The following TOMM20 variants were observed in gnomAD, a reference collection of about 807,000 sequenced individuals.
TOMM20 encodes mitochondrial import receptor subunit TOM20 homolog.
Under a neutral mutation model 22.1 loss-of-function variants are expected in TOMM20, and 10 were observed. That is an observed-to-expected ratio of 0.45 (90% CI 0.28 to 0.77). The LOEUF is 0.77. TOMM20 is among the 30% of genes least tolerant of loss of function. TOMM20 has a pLI of 0.13. For missense variants in TOMM20, 121 were observed against 172.2 expected (o/e 0.70, Z 1.66); for synonymous variants, 55 against 61.4 (o/e 0.90, Z 0.49).
intron 2 of TOMM20, 92 bp downstream of exon 2, chr1:235,122,234 T>C (rs1031380079): frequency 8.3e-7 from 1 of 1,208,216 alleles, no homozygotes; most frequent in Non-Finnish European, 1.1e-6. Context: ...CAACTAGCTT[T>C]TTCCAATTAC....
At position 235,122,245 on chromosome 1, in the gene TOMM20, A is replaced by G; in HGVS notation, c.168+81T>C. ...GTATCAACTAGCTTTTTCCAATTAC[A>G]TTTTAATTACATTTCCAATTACAGA... On this transcript the variant is annotated intron_variant, in intron 2 of 4. Transcript: ENST00000366607. The G allele has an allele frequency of 8.6e-6, 11 of 1,278,212 alleles. No homozygotes were observed. The South Asian group carries it at 2.1e-4, about 25-fold the overall frequency. The allele number at this position is 1,278,212 out of a possible 1,614,324, so 79.2% of individuals were successfully genotyped here. A position where few individuals can be genotyped will look rare whatever the true frequency, so the allele number is the denominator to read the frequency against.
In TOMM20 at chr1:235,113,847, T is replaced by C; in HGVS notation, c.314A>G (p.Gln105Arg). ...AGTTTGCTGTAAGACCTGCAGTAAC[T>C]GCTGTGGCTGTCCACACACAGCAAT... The part of the protein sequence containing the change: ...NAIAVCGQPQ[Q>R]LLQVLQQTLP... The change falls in exon 4 of 5, where the codon CAG (glutamine) becomes CGG (arginine). Residue 105 changes from glutamine to arginine, a missense_variant. Gln to Arg is a conservative substitution (Grantham distance 43). Transcript: ENST00000366607. The C allele has an allele frequency of 6.2e-7, 1 of 1,614,002 alleles. No homozygotes were observed. The highest frequency in any genetic ancestry group is 1.1e-5 in the South Asian group (1 of 91,056).
chr1:235,119,874 G>A lies in TOMM20; in HGVS notation c.194C>T (p.Ala65Val). Residue 65 changes from alanine (A) to valine (V), a missense_variant, in exon 3 of 5, where the codon GCT becomes GTT. Transcript: ENST00000366607. ...TTCTTCAAGGAAGAACTTCTGAACA[G>A]CTTCAGCATCTTTAAGGTCAGGTAA... Reference protein sequence around the residue: ...SKLPDLKDAEAVQKFFLEEIQ... With the variant: ...SKLPDLKDAEVVQKFFLEEIQ... The A allele has an allele frequency of 6.2e-7, 1 of 1,611,382 alleles. No homozygotes were observed. Among genetic ancestry groups the A allele is most frequent in the Non-Finnish European group, 8.5e-7 (1 of 1,178,314 alleles).
At chr1:235,127,408 C>A (rs1460448631) in intron 1 of TOMM20, among the ~76,000 whole-genome samples, 1 of 152,210 alleles carries the variant, frequency 6.6e-6, no homozygotes, top group African/African-American at 2.4e-5. Context: ...TCTGCCTAGT[C>A]ATAAATCAAA....
At chr1:235,125,005 G>A (rs557205362) in intron 1 of TOMM20, among the ~76,000 whole-genome samples, 5 of 152,060 alleles carry the variant, frequency 3.3e-5, no homozygotes, top group Non-Finnish European at 5.9e-5. Context: ...CATTTTATCC[G>A]TCCCATATAA....
rs1257513217 is a variant in TOMM20, at chr1:235,111,892, G to C, written c.*172C>G. 2 of 622,248 alleles carry C rather than the reference G, an allele frequency of 3.2e-6. No individual in the cohort carries two copies. Among genetic ancestry groups the C allele is most frequent in the African/African-American group, 2.1e-5 (1 of 48,068 alleles). 38.5% of individuals were successfully genotyped at this position (622,248 alleles called of 1,614,324 possible). On this transcript the variant is annotated 3_prime_UTR_variant, in exon 5 of 5. Transcript: ENST00000366607. ...CTCTATCAAAATACACTTTTCACTG[G>C]GAAAAATAAATAAAATAGACAAATG...
chr1:235,115,384 C>G (rs1660812280), intron 3 of TOMM20, among the ~76,000 whole-genome samples: 1 of 152,086 alleles, frequency 6.6e-6, no homozygotes, highest in South Asian at 2.1e-4. Context: ...AATCCTAGCA[C>G]TTTGGGAGGC....
intron 3 of TOMM20, among the ~76,000 whole-genome samples, chr1:235,118,628 G>A (rs899336797): frequency 6.6e-6 from 1 of 152,162 alleles, no homozygotes; most frequent in Non-Finnish European, 1.5e-5. Context: ...CTGGGTTCAA[G>A]GTATCCTCCT....
At chr1:235,118,502 T>C (rs1452880716) in intron 3 of TOMM20, among the ~76,000 whole-genome samples, 1 of 152,226 alleles carries the variant, frequency 6.6e-6, no homozygotes, top group African/African-American at 2.4e-5. Flanking sequence ...GTGCCTATCT[T>C]GTACTCCTCT....
Position 235,128,807 on chromosome 1 carries a change from C to G in TOMM20, c.-92G>C, listed in dbSNP as rs1661084876. On this transcript the variant is annotated 5_prime_UTR_variant, in exon 1 of 5. Transcript: ENST00000366607. ...CTCAGAGCGGTCGGCGCAGCTCACACCCGACGGCCGCGGGCCAGGAACACA... is the reference window on the plus strand; with the variant it reads ...CTCAGAGCGGTCGGCGCAGCTCACAGCCGACGGCCGCGGGCCAGGAACACA... 26 of 1,568,650 alleles carry G rather than the reference C, an allele frequency of 1.7e-5. No individual in the cohort carries two copies. Among genetic ancestry groups the G allele is most frequent in the Admixed American group, 3.7e-5 (2 of 54,310 alleles).
At chr1:235,126,531 G>A (rs532514197) in intron 1 of TOMM20, among the ~76,000 whole-genome samples, 11 of 152,110 alleles carry the variant, frequency 7.2e-5, no homozygotes, top group Non-Finnish European at 1.2e-4. Context: ...TCATCCGGAC[G>A]CGGTGGCTCA....
chr1:235,116,626 G>A (rs981770092), intron 3 of TOMM20, among the ~76,000 whole-genome samples: 2 of 151,504 alleles, frequency 1.3e-5, no homozygotes, highest in African/African-American at 4.9e-5. Flanking sequence ...TTGAACCCTC[G>A]CTTGAACCCG....
chr1:235,112,119 A>G lies in TOMM20; in HGVS notation c.394-11T>C. Reference sequence around the variant, plus strand: ...AGCACTTACAATTCTCTGAAAGAAAAAAAAAATAATTTTTTAAAGTGTCAT... The same window carrying G: ...AGCACTTACAATTCTCTGAAAGAAAGAAAAAATAATTTTTTAAAGTGTCAT... On this transcript the variant is annotated splice_polypyrimidine_tract_variant and intron_variant, in intron 4 of 4. Coordinates refer to ENST00000366607, the MANE Select transcript of TOMM20 (RefSeq NM_014765.3). 1.9e-6 allele frequency: 3 copies of G among 1,597,326 alleles called. No individual in the cohort carries two copies. The highest frequency in any genetic ancestry group is 2.6e-6 in the Non-Finnish European group (3 of 1,173,022).
chr1:235,116,949 CAT>C (rs1660840914), intron 3 of TOMM20, among the ~76,000 whole-genome samples: 1 of 150,074 alleles, frequency 6.7e-6, no homozygotes, highest in Non-Finnish European at 1.5e-5. Flanking sequence ...TCCTGGCTAA[CAT>C]GGTGAAACCC....
intron 3 of TOMM20, among the ~76,000 whole-genome samples, chr1:235,115,361 G>T (rs1660812117): frequency 6.6e-6 from 1 of 152,222 alleles, no homozygotes; most frequent in East Asian, 1.9e-4. Context: ...CGGGAGCAGT[G>T]GCTCATGCCT....
intron 1 of TOMM20, among the ~76,000 whole-genome samples, chr1:235,127,624 C>T (rs1558131384): frequency 6.6e-6 from 1 of 152,200 alleles, no homozygotes. Flanking sequence ...GCTTTAGTAA[C>T]TTACGTATCA....
exon 1 of TOMM20, chr1:235,128,830 ACAGAAAGG>A: frequency 6.6e-7 from 1 of 1,523,050 alleles, no homozygotes; most frequent in Admixed American, 2.0e-5. Flanking sequence ...GGCCAGGAAC[ACAGAAAGG>A]CCGAGCACAC....
At chr1:235,116,359 T>C (rs1240868552) in intron 3 of TOMM20, among the ~76,000 whole-genome samples, 1 of 151,116 alleles carries the variant, frequency 6.6e-6, no homozygotes, top group East Asian at 2.0e-4. Context: ...GCCAACATGG[T>C]GAAACCCGGT....
At chr1:235,116,455 C>T (rs1660829647) in intron 3 of TOMM20, among the ~76,000 whole-genome samples, 1 of 152,012 alleles carries the variant, frequency 6.6e-6, no homozygotes. Context: ...AAGAGAATCG[C>T]TTGAACCTGG....
Sources: allele counts gnomAD v4.1 joint callset (sites outside exome capture counted in the v4.1 genomes callset), GRCh38; gene constraint gnomAD v4.1.1; transcripts MANE v1.5; gene names NCBI Gene and HGNC (gene_info 2026-07-23, HGNC 2026-07-21).